THSD4: variants seen among roughly 807,000 people sequenced by gnomAD.
THSD4 encodes thrombospondin type-1 domain-containing protein 4.
In THSD4, 69 loss-of-function variants were observed where a neutral mutation model predicts 119.0. The observed-to-expected ratio is 0.58, with a 90% CI of 0.48 to 0.71. The LOEUF is 0.71. THSD4 is among the 30% of genes least tolerant of loss of function. The probability of loss-of-function intolerance (pLI) is 0.00; values close to 1 mark genes in which losing one functional copy is unlikely to be tolerated. For missense variants in THSD4, 1,393 were observed against 1,391.1 expected (o/e 1.00, Z -0.02); for synonymous variants, 524 against 540.4 (o/e 0.97, Z 0.42).
rs527276572 is a variant in THSD4, at chr15:71,404,423, T to C, written c.1016-7264T>C. On this transcript the variant is annotated intron_variant, in intron 6 of 17. Transcript: ENST00000261862. ...AATGTTATAGCATATATCCATACTTTAATGCTTCCTGTTGTCAAATAATAT... is the reference window on the plus strand; with the variant it reads ...AATGTTATAGCATATATCCATACTTCAATGCTTCCTGTTGTCAAATAATAT... 2.6e-5 allele frequency among the ~76,000 whole-genome samples: 4 copies of C among 152,256 alleles called. 1 individual carries two copies. The highest frequency in any genetic ancestry group is 2.6e-4 in the Admixed American group (4 of 15,284).
intron 7 of THSD4, among the ~76,000 whole-genome samples, chr15:71,571,684 C>T (rs2049361529): frequency 6.6e-6 from 1 of 152,156 alleles, no homozygotes; most frequent in African/African-American, 2.4e-5. Context: ...GAGATGGAAA[C>T]CCTTCCTTCA....
intron 7 of THSD4, among the ~76,000 whole-genome samples, chr15:71,430,310 T>C (rs889783885): frequency 5.3e-5 from 8 of 152,226 alleles, no homozygotes; most frequent in African/African-American, 1.9e-4. Flanking sequence ...AAGATACTCA[T>C]AATGAGACTA....
intron 8 of THSD4, among the ~76,000 whole-genome samples, chr15:71,710,812 G>T (rs1382790424): frequency 6.6e-6 from 1 of 151,950 alleles, no homozygotes; most frequent in Non-Finnish European, 1.5e-5. Flanking sequence ...CTCTAGTTCT[G>T]TATCAAAGCT....
chr15:71,301,725 C>T (rs761093828), intron 6 of THSD4, among the ~76,000 whole-genome samples: 9 of 152,136 alleles, frequency 5.9e-5, no homozygotes, highest in East Asian at 1.9e-4. Flanking sequence ...AGACCTCCTC[C>T]GGTAATATGA....
At chr15:71,297,004 C>G (rs2044871613) in intron 6 of THSD4, among the ~76,000 whole-genome samples, 1 of 152,092 alleles carries the variant, frequency 6.6e-6, no homozygotes, top group East Asian at 1.9e-4. Flanking sequence ...TGTTTCTGCC[C>G]CATCCCTGCT....
chr15:71,423,800 G>A (rs1012983407), intron 7 of THSD4, among the ~76,000 whole-genome samples: 1 of 152,124 alleles, frequency 6.6e-6, no homozygotes, highest in East Asian at 1.9e-4. Flanking sequence ...GTACATTTAG[G>A]ACCCCAGAGT....
intron 6 of THSD4, among the ~76,000 whole-genome samples, chr15:71,266,608 A>C (rs914438763): frequency 1.3e-5 from 2 of 152,026 alleles, no homozygotes; most frequent in Non-Finnish European, 2.9e-5. Context: ...ACAGAGAATG[A>C]GTTTGATGAA....
intron 6 of THSD4, among the ~76,000 whole-genome samples, chr15:71,365,670 T>A (rs1422485034): frequency 6.6e-6 from 1 of 152,096 alleles, no homozygotes; most frequent in African/African-American, 2.4e-5. Context: ...TGGAGATGAA[T>A]CTTGTTAAGT....
chr15:71,686,876 A>G (rs754654926), intron 8 of THSD4, among the ~76,000 whole-genome samples: 2 of 152,200 alleles, frequency 1.3e-5, no homozygotes, highest in Non-Finnish European at 2.9e-5. Context: ...GTGGCAGGCC[A>G]TATTTGGCTC....
At chr15:71,551,462 G>C (rs966220031) in intron 7 of THSD4, among the ~76,000 whole-genome samples, 1 of 152,228 alleles carries the variant, frequency 6.6e-6, no homozygotes, top group Non-Finnish European at 1.5e-5. Flanking sequence ...ACTGAGGCTT[G>C]AAGGGCTGTG....
At chr15:71,270,027 A>G (rs1170889002) in intron 6 of THSD4, among the ~76,000 whole-genome samples, 1 of 152,216 alleles carries the variant, frequency 6.6e-6, no homozygotes, top group Non-Finnish European at 1.5e-5. Context: ...CATACTGCCC[A>G]AAGTGATTTA....
At chr15:71,358,226 C>T (rs546422697) in intron 6 of THSD4, among the ~76,000 whole-genome samples, 1 of 152,346 alleles carries the variant, frequency 6.6e-6, no homozygotes, top group East Asian at 1.9e-4. Flanking sequence ...TCCCTCCCCT[C>T]CTTCCAAGCT....
chr15:71,099,448 A>G (rs1484135821), intron 1 of THSD4, among the ~76,000 whole-genome samples: 2 of 152,122 alleles, frequency 1.3e-5, no homozygotes, highest in Admixed American at 6.5e-5. Flanking sequence ...CTGAAATTCT[A>G]TTGTTAGGTA....
At chr15:71,170,232 TAC>T (rs1264028126) in intron 3 of THSD4, among the ~76,000 whole-genome samples, 2 of 151,822 alleles carry the variant, frequency 1.3e-5, no homozygotes, top group African/African-American at 4.8e-5. Context: ...AGGAGAGAAC[TAC>T]ACAGACAGAA....
chr15:71,253,928 A>G (rs908093246), intron 5 of THSD4, among the ~76,000 whole-genome samples: 2 of 152,194 alleles, frequency 1.3e-5, no homozygotes, highest in African/African-American at 2.4e-5. Context: ...TGAAACAGAC[A>G]TTTATGTTGT....
intron 7 of THSD4, chr15:71,547,374 A>T: frequency 2.6e-6 from 4 of 1,549,054 alleles, no homozygotes; most frequent in Non-Finnish European, 3.5e-6. Context: ...TGGCAGACGG[A>T]GTTCTCCTCT....
intron 1 of THSD4, among the ~76,000 whole-genome samples, chr15:71,139,860 C>T (rs2040586259): frequency 1.3e-5 from 2 of 152,222 alleles, no homozygotes; most frequent in Non-Finnish European, 2.9e-5. Context: ...TGGAACCTTG[C>T]TTCATTTGTC....
intron 6 of THSD4, among the ~76,000 whole-genome samples, chr15:71,325,477 A>G (rs2045325833): frequency 6.6e-6 from 1 of 152,224 alleles, no homozygotes. Context: ...GGAAGGAAGG[A>G]GGCAAGTGTG....
intron 7 of THSD4, among the ~76,000 whole-genome samples, chr15:71,651,461 C>A (rs986593415): frequency 1.3e-5 from 2 of 152,204 alleles, no homozygotes; most frequent in Admixed American, 6.5e-5. Context: ...CCCACACTTT[C>A]GTTGCCAGCC....
Sources: allele counts gnomAD v4.1 joint callset (sites outside exome capture counted in the v4.1 genomes callset), GRCh38; gene constraint gnomAD v4.1.1; transcripts MANE v1.5; gene names NCBI Gene and HGNC (gene_info 2026-07-23, HGNC 2026-07-21).